The following MORN4 variants were observed in gnomAD, a reference collection of about 807,000 sequenced individuals.
MORN4 encodes MORN repeat containing 4.
MORN4 carries 8 observed loss-of-function variants against 16.4 expected under a neutral mutation model. The observed-to-expected ratio is 0.49, with a 90% CI of 0.29 to 0.88. The LOEUF (loss-of-function observed/expected upper bound fraction) is 0.88. Among genes scored for constraint, MORN4 ranks in the 40% least tolerant of loss-of-function variants. The pLI is 0.09. For missense variants in MORN4, 159 were observed against 182.9 expected (o/e 0.87, Z 0.75); for synonymous variants, 53 against 68.9 (o/e 0.77, Z 1.14).
At chr10:97,631,286 A>G (rs1036086479) in intron 1 of MORN4, among the ~76,000 whole-genome samples, 1 of 152,166 alleles carries the variant, frequency 6.6e-6, no homozygotes, top group African/African-American at 2.4e-5. Context: ...GATGATTCAC[A>G]CTTCTAAACA....
At position 97,617,279 on chromosome 10, in the gene MORN4, GCCA is replaced by G. The variant is rs2041244684; in HGVS notation, c.108_110del (p.Gly37del). ...CATTCTCAAAATGACCCAGGTAGGTGCCACCATCTGCAAACATCAGTTGACCAA... is the reference window on the plus strand; with the variant it reads ...CATTCTCAAAATGACCCAGGTAGGTGCCATCTGCAAACATCAGTTGACCAA... On this transcript the variant is annotated inframe_deletion, in exon 3 of 5. Transcript: ENST00000307450. 6.2e-7 allele frequency: 1 copy of G among 1,614,038 alleles called. No homozygotes were observed. Among genetic ancestry groups the G allele is most frequent in the Non-Finnish European group, 8.5e-7 (1 of 1,180,026 alleles).
At chr10:97,618,306 C>T (rs1263475333) in intron 2 of MORN4, among the ~76,000 whole-genome samples, 1 of 138,990 alleles carries the variant, frequency 7.2e-6, no homozygotes, top group Non-Finnish European at 1.5e-5. Context: ...ACTCTGTCGC[C>T]CAGGCTGGAG....
intron 1 of MORN4, among the ~76,000 whole-genome samples, chr10:97,622,672 C>T (rs1026217688): frequency 4.7e-4 from 60 of 127,340 alleles, no homozygotes; most frequent in African/African-American, 1.6e-3. Flanking sequence ...CCAGCCTGGG[C>T]GACAGAGGGA....
At chr10:97,620,016 T>C (rs1465825086) in intron 1 of MORN4, among the ~76,000 whole-genome samples, 1 of 152,158 alleles carries the variant, frequency 6.6e-6, no homozygotes, top group Non-Finnish European at 1.5e-5. Context: ...GTATCTTCCC[T>C]TGACGAGTTT....
At chr10:97,617,053 C>T (rs1037257308) in intron 3 of MORN4, among the ~76,000 whole-genome samples, 155 bp downstream of exon 3, 2 of 152,174 alleles carry the variant, frequency 1.3e-5, no homozygotes, top group Non-Finnish European at 2.9e-5. Flanking sequence ...TTTAGGTCCA[C>T]TTAAAAAATA....
At chr10:97,621,492 G>A (rs556829763) in intron 1 of MORN4, among the ~76,000 whole-genome samples, 1 of 152,296 alleles carries the variant, frequency 6.6e-6, no homozygotes, top group Non-Finnish European at 1.5e-5. Context: ...TGCAAGGAAG[G>A]GAAATATGAT....
At chr10:97,623,653 CA>C (rs1391841606) in intron 1 of MORN4, among the ~76,000 whole-genome samples, 1 of 152,088 alleles carries the variant, frequency 6.6e-6, no homozygotes, top group Admixed American at 6.6e-5. Context: ...AGAGATCCTC[CA>C]ATCCCCTCTT....
chr10:97,618,607 A>T (rs2041260560), intron 2 of MORN4, among the ~76,000 whole-genome samples: 1 of 152,020 alleles, frequency 6.6e-6, no homozygotes. Flanking sequence ...TGTATCCACC[A>T]CAAGAACTCC....
rs1223954897 is a variant in MORN4 at position 97,614,934 on chromosome 10, C to T, written c.*1329G>A. The T allele has an allele frequency of 6.6e-6, 1 of 152,616 alleles. No individual in the cohort carries two copies. Among genetic ancestry groups the T allele is most frequent in the Non-Finnish European group, 1.5e-5 (1 of 68,050 alleles). 9.5% of individuals were successfully genotyped at this position (152,616 alleles called of 1,614,324 possible). On this transcript the variant is annotated 3_prime_UTR_variant, in exon 5 of 5. Transcript: ENST00000307450. ...TGGGAAGAAACTGTGTCAGCCCAAGCCATCCGTATGAATTCAGTTCACTCC... is the reference window on the plus strand; with the variant it reads ...TGGGAAGAAACTGTGTCAGCCCAAGTCATCCGTATGAATTCAGTTCACTCC...
At position 97,616,107 on chromosome 10, in the gene MORN4, G is replaced by T; in HGVS notation, c.*156C>A. 1.4e-6 allele frequency: 1 copy of T among 693,886 alleles called. No homozygotes were observed. Among genetic ancestry groups the T allele is most frequent in the Non-Finnish European group, 2.2e-6 (1 of 449,066 alleles). 43.0% of individuals were successfully genotyped at this position (693,886 alleles called of 1,614,324 possible). A position where few individuals can be genotyped will look rare whatever the true frequency, so the allele number is the denominator to read the frequency against. On this transcript the variant is annotated 3_prime_UTR_variant, in exon 5 of 5. Coordinates refer to ENST00000307450, the MANE Select transcript of MORN4 (RefSeq NM_178832.4). ...CCAGCATCCTCAGCACTTTTCTGTGGTCCAGTTCTGGAATGGCAGGTGACA... is the reference window on the plus strand; with the variant it reads ...CCAGCATCCTCAGCACTTTTCTGTGTTCCAGTTCTGGAATGGCAGGTGACA...
At position 97,631,225 on chromosome 10, in the gene MORN4, G is replaced by A. The variant is rs148195767; in HGVS notation, c.-31+2122C>T. On this transcript the variant is annotated intron_variant, in intron 1 of 4. Coordinates refer to ENST00000307450, the MANE Select transcript of MORN4 (RefSeq NM_178832.4). ...ATCATATTTTTAAAGAGAATATATG[G>A]CTCAGGAGTTTAGGCTACAGATACA... 3.4e-3 allele frequency among the ~76,000 whole-genome samples: 520 copies of A among 152,248 alleles called. 6 individuals are homozygous for A. Among genetic ancestry groups the A allele is most frequent in the African/African-American group, 0.012 (500 of 41,542 alleles).
intron 1 of MORN4, among the ~76,000 whole-genome samples, chr10:97,626,129 C>T (rs1352588313): frequency 1.3e-5 from 2 of 151,132 alleles, no homozygotes; most frequent in Admixed American, 6.6e-5. Context: ...GCCTGTAATC[C>T]CAGCACTTTG....
At chr10:97,620,883 G>GCCCGCCC (rs1359380895) in intron 1 of MORN4, among the ~76,000 whole-genome samples, 10 of 152,164 alleles carry the variant, frequency 6.6e-5, no homozygotes, top group African/African-American at 2.2e-4. Context: ...AGAACTTTGT[G>GCCCGCCC]AGGCCGAGGT....
At chr10:97,621,716 T>A (rs1402273862) in intron 1 of MORN4, among the ~76,000 whole-genome samples, 1 of 152,004 alleles carries the variant, frequency 6.6e-6, no homozygotes, top group Admixed American at 6.6e-5. Flanking sequence ...ATACAAAACA[T>A]TAGCAGGGCG....
Position 97,628,685 on chromosome 10 carries a change from G to A in MORN4, c.-31+4662C>T, listed in dbSNP as rs145745057. ...AGTAGCTGGGATTACAGGCGTGCCA[G>A]CACGGCCAGCTAATTTTCATATTTT... On this transcript the variant is annotated intron_variant, in intron 1 of 4. Transcript: ENST00000307450. Among the ~76,000 whole-genome samples the A allele has an allele frequency of 2.3e-3, 355 of 152,154 alleles. 1 individual carries two copies. The highest frequency in any genetic ancestry group is 6.0e-3 in the African/African-American group (248 of 41,520).
intron 1 of MORN4, 145 bp from the exon 2 acceptor site, chr10:97,619,828 T>G: frequency 1.7e-6 from 1 of 592,576 alleles, no homozygotes; most frequent in South Asian, 2.1e-5. Context: ...TACCCCTATC[T>G]CCAACCACCA....
intron 1 of MORN4, among the ~76,000 whole-genome samples, chr10:97,631,947 A>G (rs1156639995): frequency 4.7e-5 from 5 of 106,496 alleles, no homozygotes; most frequent in Non-Finnish European, 1.1e-4. Flanking sequence ...CTCAAAAAAA[A>G]GAAAAGAAAA....
intron 1 of MORN4, among the ~76,000 whole-genome samples, chr10:97,629,261 C>A (rs1309301208): frequency 6.6e-6 from 1 of 152,190 alleles, no homozygotes; most frequent in Admixed American, 6.5e-5. Flanking sequence ...GTGGCCCATG[C>A]CTGTAATCCC....
chr10:97,627,040 A>C (rs780388808), intron 1 of MORN4, among the ~76,000 whole-genome samples: 7 of 151,184 alleles, frequency 4.6e-5, no homozygotes, highest in Non-Finnish European at 8.8e-5. Context: ...TACAGGCATG[A>C]GTCACTGTGC....
Sources: allele counts gnomAD v4.1 joint callset (sites outside exome capture counted in the v4.1 genomes callset), GRCh38; gene constraint gnomAD v4.1.1; transcripts MANE v1.5; gene names NCBI Gene and HGNC (gene_info 2026-07-23, HGNC 2026-07-21).